ARL5B: variants seen among roughly 807,000 people sequenced by gnomAD.
The protein encoded by ARL5B is ADP-ribosylation factor-like protein 5B.
In ARL5B, 10 loss-of-function variants were observed where a neutral mutation model predicts 26.9. The observed-to-expected ratio is 0.37, with a 90% CI of 0.23 to 0.63. The LOEUF (loss-of-function observed/expected upper bound fraction) is 0.63. Ranked by LOEUF, ARL5B falls within the 30% of genes least tolerant of loss-of-function variation. The probability of loss-of-function intolerance (pLI) is 0.62; values close to 1 mark genes in which losing one functional copy is unlikely to be tolerated. For missense variants in ARL5B, 167 were observed against 213.9 expected, an observed-to-expected ratio of 0.78 and a Z score of 1.37; for synonymous variants, 87 against 70.4, an observed-to-expected ratio of 1.24 and a Z score of -1.18.
Position 18,660,020 on chromosome 10 carries a change from A to G in ARL5B, c.46+337A>G, listed in dbSNP as rs573589862. The stretch of plus-strand genomic sequence containing the variant: ...TCTTTATTGAAGCGTGCTTGTGTCT[A>G]TGTGTATCCCCAGGATAAGTGTCCG... On this transcript the variant is annotated intron_variant, in intron 1 of 5. Transcript: ENST00000377275. The G allele has an allele frequency of 4.8e-5, 42 of 867,720 alleles. No individual in the cohort carries two copies. The African/African-American group carries it at 6.9e-4, about 14-fold the overall frequency. 53.8% of individuals were successfully genotyped at this position (867,720 alleles called of 1,614,324 possible). A position where few individuals can be genotyped will look rare whatever the true frequency, so the allele number is the denominator to read the frequency against.
At chr10:18,664,729 C>T (rs934078663) in intron 1 of ARL5B, among the ~76,000 whole-genome samples, 3 of 152,128 alleles carry the variant, frequency 2.0e-5, no homozygotes, top group Non-Finnish European at 2.9e-5. Flanking sequence ...TAAGGCACCA[C>T]GCCTGGCCTA....
At chr10:18,669,762 G>T (rs1205873971) in intron 3 of ARL5B, among the ~76,000 whole-genome samples, 1 of 152,118 alleles carries the variant, frequency 6.6e-6, no homozygotes, top group Non-Finnish European at 1.5e-5. Context: ...GGAGGCCGAG[G>T]CGGGTGGATC....
At chr10:18,664,879 T>C (rs2131639481) in intron 1 of ARL5B, among the ~76,000 whole-genome samples, 1 of 152,228 alleles carries the variant, frequency 6.6e-6, no homozygotes, top group Non-Finnish European at 1.5e-5. Context: ...GGAGCAGGAT[T>C]GTTTGCAAAT....
intron 3 of ARL5B, among the ~76,000 whole-genome samples, chr10:18,670,889 A>G (rs1257394410): frequency 6.6e-6 from 1 of 152,232 alleles, no homozygotes; most frequent in Non-Finnish European, 1.5e-5. Flanking sequence ...TTCTTTTAAT[A>G]AGTGATCTCT....
At chr10:18,668,738 A>G (rs1027161503) in intron 3 of ARL5B, 61 bp downstream of exon 3, 17 of 1,540,392 alleles carry the variant, frequency 1.1e-5, no homozygotes, top group Middle Eastern at 1.7e-4. Context: ...ATAGAAAGTA[A>G]TTAGGCTGCA....
chr10:18,669,267 C>G (rs1198255085), intron 3 of ARL5B, among the ~76,000 whole-genome samples: 1 of 152,122 alleles, frequency 6.6e-6, no homozygotes, highest in Non-Finnish European at 1.5e-5. Flanking sequence ...ACAAGATTTT[C>G]ATGTCTCCAG....
At chr10:18,674,700 T>C (rs571073260) in intron 5 of ARL5B, among the ~76,000 whole-genome samples, 59 of 152,334 alleles carry the variant, frequency 3.9e-4, no homozygotes, top group African/African-American at 1.4e-3. Flanking sequence ...AGAGAACTTA[T>C]CCTCAAATCA....
At chr10:18,661,974 T>G (rs186294545) in intron 1 of ARL5B, among the ~76,000 whole-genome samples, 1 of 152,296 alleles carries the variant, frequency 6.6e-6, no homozygotes, top group East Asian at 1.9e-4. Flanking sequence ...CCTCCAGTGT[T>G]GACTAAGACA....
Position 18,668,626 on chromosome 10 carries a change from TG to T in ARL5B, c.206del (p.Gly69ValfsTer31). On this transcript the variant is annotated frameshift_variant, in exon 3 of 6. Coordinates refer to ENST00000377275, the MANE Select transcript of ARL5B (RefSeq NM_178815.5). LOFTEE classifies it high-confidence loss of function. ...CTCATTTTCTTATGTGGGATATTGG[TG>T]GTCAGGAGTCTCTGCGATCATCCTG... The part of the protein sequence containing the change: ...NTHFLMWDIG[G>X]QESLRSSWNT... 6.2e-7 allele frequency: 1 copy of T among 1,614,152 alleles called. No individual in the cohort carries two copies. The highest frequency in any genetic ancestry group is 8.5e-7 in the Non-Finnish European group (1 of 1,180,028).
Position 18,677,839 on chromosome 10 carries a change from G to C in ARL5B, c.*2623G>C, listed in dbSNP as rs550505710. On this transcript the variant is annotated 3_prime_UTR_variant, in exon 6 of 6. Coordinates refer to ENST00000377275, the MANE Select transcript of ARL5B (RefSeq NM_178815.5). ...TATCCCCCTTCACCTCCATGTATTG[G>C]TTAGCACAGTTTATAGTAAGTGAAA... 2.6e-5 allele frequency: 4 copies of C among 152,122 alleles called. No individual in the cohort carries two copies. Among genetic ancestry groups the C allele is most frequent in the African/African-American group, 9.6e-5 (4 of 41,480 alleles). The allele number at this position is 152,122 out of a possible 1,614,324, so 9.4% of individuals were successfully genotyped here.
At chr10:18,666,353 A>G (rs78636182) in intron 1 of ARL5B, among the ~76,000 whole-genome samples, 1 of 152,210 alleles carries the variant, frequency 6.6e-6, no homozygotes, top group Non-Finnish European at 1.5e-5. Flanking sequence ...CATCTCCCAC[A>G]TTCTTTTACA....
chr10:18,659,460 G>A lies in ARL5B; in HGVS notation c.-178G>A, dbSNP rs372321983. On this transcript the variant is annotated 5_prime_UTR_variant, in exon 1 of 6. Transcript: ENST00000377275. ...GGCTCGAAACAAAGGGCTGTCCGGT[G>A]GGGATTCGTCGCGGCGCCTTCTGAG... 1.3e-6 allele frequency: 1 copy of A among 753,296 alleles called. No homozygotes were observed. The highest frequency in any genetic ancestry group is 2.0e-6 in the Non-Finnish European group (1 of 495,598). 46.7% of individuals were successfully genotyped at this position (753,296 alleles called of 1,614,324 possible).
Position 18,681,077 on chromosome 10 carries a change from A to G in ARL5B, c.*5861A>G, listed in dbSNP as rs2059930075. The G allele has an allele frequency of 6.6e-6, 1 of 152,154 alleles. No homozygotes were observed. The highest frequency in any genetic ancestry group is 6.6e-5 in the Admixed American group (1 of 15,262). The allele number at this position is 152,154 out of a possible 1,614,324, so 9.4% of individuals were successfully genotyped here. A position where few individuals can be genotyped will look rare whatever the true frequency, so the allele number is the denominator to read the frequency against. ...CTGCGAAAGCTCTAAGAATATCTTC[A>G]TTACTATGCTTGGTCAACTGGAAGA... On this transcript the variant is annotated 3_prime_UTR_variant, in exon 6 of 6. Coordinates refer to ENST00000377275, the MANE Select transcript of ARL5B (RefSeq NM_178815.5).
Position 18,675,436 on chromosome 10 carries a change from C to T in ARL5B, c.*220C>T. The T allele has an allele frequency of 2.0e-6, 1 of 492,730 alleles. No homozygotes were observed. The highest frequency in any genetic ancestry group is 3.1e-5 in the East Asian group (1 of 32,070). The allele number at this position is 492,730 out of a possible 1,614,324, so 30.5% of individuals were successfully genotyped here. On this transcript the variant is annotated 3_prime_UTR_variant, in exon 6 of 6. Coordinates refer to ENST00000377275, the MANE Select transcript of ARL5B (RefSeq NM_178815.5). ...TCAGTTGGATGAATGTAATGTATAA[C>T]TATGTTTTCAGCAACAATTCTTCTG...
At position 18,675,809 on chromosome 10, in the gene ARL5B, A is replaced by G. The variant is rs1018779718; in HGVS notation, c.*593A>G. ...CCACATTACTGTTGAGTCATGGAAT[A>G]ATGTTTAAGTTGTTATTTGCATGGA... is the stretch of plus-strand genomic sequence containing the variant. On this transcript the variant is annotated 3_prime_UTR_variant, in exon 6 of 6. Transcript: ENST00000377275. The G allele has an allele frequency of 2.0e-5, 3 of 152,064 alleles. No individual in the cohort carries two copies. Among genetic ancestry groups the G allele is most frequent in the Non-Finnish European group, 4.4e-5 (3 of 67,930 alleles). The allele number at this position is 152,064 out of a possible 1,614,324, so 9.4% of individuals were successfully genotyped here. A position where few individuals can be genotyped will look rare whatever the true frequency, so the allele number is the denominator to read the frequency against.
intron 2 of ARL5B, among the ~76,000 whole-genome samples, chr10:18,667,962 A>G (rs2059869107): frequency 6.6e-6 from 1 of 152,102 alleles, no homozygotes. Context: ...TGATCCACCC[A>G]AAGTGCTAGA....
At chr10:18,675,073 CTA>C (rs2059904449) in intron 5 of ARL5B, 93 bp from the exon 6 acceptor site, 4 of 1,068,950 alleles carry the variant, frequency 3.7e-6, no homozygotes, top group African/African-American at 1.6e-5. Context: ...AATGATTGTG[CTA>C]CCAGCCTTTG....
At chr10:18,670,982 A>C (rs970618112) in intron 3 of ARL5B, among the ~76,000 whole-genome samples, 1 of 152,196 alleles carries the variant, frequency 6.6e-6, no homozygotes, top group Non-Finnish European at 1.5e-5. Flanking sequence ...AGAGTCCCCC[A>C]AAAGCGGTAG....
In ARL5B at chr10:18,668,320, TA is replaced by T. The variant is rs1289270529; in HGVS notation, c.108-199del. 9.0e-3 allele frequency among the ~76,000 whole-genome samples: 1,310 copies of T among 145,206 alleles called. 20 individuals carry two copies. The highest frequency in any genetic ancestry group is 0.029 in the African/African-American group (1,139 of 39,950). The stretch of plus-strand genomic sequence containing the variant: ...CCATCAAGCTTGCAATTCCTTCCGT[TA>T]AAAAAAAAAACAAACAAGAAACAAG... On this transcript the variant is annotated intron_variant, in intron 2 of 5. Transcript: ENST00000377275.
Sources: gnomAD v4.1 joint callset for allele counts (sites outside exome capture counted in the v4.1 genomes callset) on GRCh38, gnomAD v4.1.1 for gene constraint, MANE v1.5 for transcripts, NCBI Gene and HGNC (gene_info 2026-07-23, HGNC 2026-07-21) for gene names.